Variants in TMTC2 observed in about 807,000 individuals in gnomAD.
TMTC2 encodes the protein protein O-mannosyl-transferase TMTC2.
A neutral mutation model predicts 82.4 loss-of-function variants in TMTC2; 43 were observed. The observed-to-expected ratio is 0.52, with a 90% CI of 0.41 to 0.67. The LOEUF is 0.67. Among genes scored for constraint, TMTC2 ranks in the 30% least tolerant of loss-of-function variants. The pLI, the probability that TMTC2 is intolerant of heterozygous loss-of-function variation, is 0.00. For synonymous variants in TMTC2, 408 were observed against 381.9 expected, an observed-to-expected ratio of 1.07 and a Z score of -0.80; for missense variants, 919 against 1,012.4, an observed-to-expected ratio of 0.91 and a Z score of 1.25.
chr12:83,082,414 C>T (rs78852428), intron 11 of TMTC2, among the ~76,000 whole-genome samples: 6,483 of 152,188 alleles, frequency 0.043, 185 homozygotes, highest in East Asian at 0.12. Context: ...TGATACACAC[C>T]GTCCCTAAAG....
intron 1 of TMTC2, among the ~76,000 whole-genome samples, chr12:82,693,736 G>A (rs1457065345): frequency 6.6e-6 from 1 of 151,994 alleles, no homozygotes; most frequent in Non-Finnish European, 1.5e-5. Flanking sequence ...TTGGGAGGCC[G>A]AGGCGGGTGG....
At chr12:82,711,753 G>T (rs966808098) in intron 1 of TMTC2, among the ~76,000 whole-genome samples, 4 of 152,348 alleles carry the variant, frequency 2.6e-5, no homozygotes, top group Middle Eastern at 3.4e-3. Flanking sequence ...GTCTGCAGCA[G>T]ATAGAAGTGT....
chr12:82,939,235 C>A (rs1012644803), intron 4 of TMTC2, among the ~76,000 whole-genome samples: 5 of 151,646 alleles, frequency 3.3e-5, no homozygotes, highest in African/African-American at 9.7e-5. Flanking sequence ...AGGCTTTTTT[C>A]TTTTTCTTAC....
At chr12:82,921,424 T>C (rs190304466) in intron 3 of TMTC2, among the ~76,000 whole-genome samples, 8 of 152,320 alleles carry the variant, frequency 5.3e-5, no homozygotes, top group African/African-American at 1.9e-4. Flanking sequence ...ACCAAGGATG[T>C]AGTAATTGTT....
intron 1 of TMTC2, among the ~76,000 whole-genome samples, chr12:82,847,935 T>TA (rs1870778066): frequency 6.6e-6 from 1 of 152,150 alleles, no homozygotes; most frequent in Non-Finnish European, 1.5e-5. Flanking sequence ...CCCTAGAACT[T>TA]AAAGTATAAT....
chr12:82,832,415 T>C (rs1159122107), intron 1 of TMTC2, among the ~76,000 whole-genome samples: 1 of 152,034 alleles, frequency 6.6e-6, no homozygotes, highest in Non-Finnish European at 1.5e-5. Context: ...AGGAAACTTA[T>C]AGTATACATT....
intron 1 of TMTC2, among the ~76,000 whole-genome samples, chr12:82,752,548 G>A (rs1385826328): frequency 1.3e-5 from 2 of 152,086 alleles, no homozygotes; most frequent in Non-Finnish European, 2.9e-5. Context: ...GACGATAGGG[G>A]CGCTGTTTAT....
intron 3 of TMTC2, among the ~76,000 whole-genome samples, chr12:82,928,251 T>G (rs935969301): frequency 4.6e-5 from 7 of 152,140 alleles, no homozygotes; most frequent in Admixed American, 3.9e-4. Context: ...TTTGAATGCA[T>G]TTCTCAGAGA....
chr12:82,974,463 C>T (rs1473905646), intron 7 of TMTC2, among the ~76,000 whole-genome samples: 1 of 152,118 alleles, frequency 6.6e-6, no homozygotes, highest in African/African-American at 2.4e-5. Flanking sequence ...TAGACATAGT[C>T]ATGTGGAAGA....
At chr12:82,878,163 G>A (rs1592596038) in intron 2 of TMTC2, among the ~76,000 whole-genome samples, 1 of 152,158 alleles carries the variant, frequency 6.6e-6, no homozygotes, top group South Asian at 2.1e-4. Context: ...TTTCTTCTGT[G>A]CCAGGTGCTG....
At chr12:83,019,983 T>A (rs567397305) in intron 8 of TMTC2, among the ~76,000 whole-genome samples, 1 of 152,342 alleles carries the variant, frequency 6.6e-6, no homozygotes, top group Admixed American at 6.5e-5. Context: ...TGTTTTTGTT[T>A]TTCTGCCACA....
intron 4 of TMTC2, among the ~76,000 whole-genome samples, chr12:82,933,663 G>A (rs1482462795): frequency 6.6e-6 from 1 of 152,150 alleles, no homozygotes; most frequent in African/African-American, 2.4e-5. Context: ...AACAAACCTA[G>A]TTGTATTAAT....
intron 9 of TMTC2, among the ~76,000 whole-genome samples, chr12:83,039,268 A>G (rs1398743605): frequency 6.6e-6 from 1 of 152,168 alleles, no homozygotes; most frequent in African/African-American, 2.4e-5. Flanking sequence ...TCAAGTAGAT[A>G]GCAGGATAAT....
chr12:83,045,893 C>T (rs1387418808), intron 9 of TMTC2, among the ~76,000 whole-genome samples: 1 of 152,052 alleles, frequency 6.6e-6, no homozygotes, highest in East Asian at 1.9e-4. Flanking sequence ...CAGCACCTTC[C>T]TGATAAGATC....
intron 7 of TMTC2, among the ~76,000 whole-genome samples, chr12:82,973,628 T>C (rs1028648524): frequency 4.6e-5 from 7 of 152,238 alleles, no homozygotes; most frequent in Non-Finnish European, 1.0e-4. Context: ...TTATGTACTA[T>C]GGTTACAGAC....
chr12:82,928,122 C>T (rs960587104), intron 3 of TMTC2, among the ~76,000 whole-genome samples: 1 of 151,678 alleles, frequency 6.6e-6, no homozygotes, highest in African/African-American at 2.4e-5. Flanking sequence ...GAAATAATGC[C>T]TTAAAATATT....
intron 4 of TMTC2, among the ~76,000 whole-genome samples, chr12:82,939,387 T>C (rs1876580506): frequency 6.6e-6 from 1 of 152,196 alleles, no homozygotes; most frequent in East Asian, 1.9e-4. Context: ...CTAAGTTCTC[T>C]AATTTAAGCC....
At chr12:82,967,297 C>G (rs1346667185) in intron 7 of TMTC2, among the ~76,000 whole-genome samples, 1 of 151,706 alleles carries the variant, frequency 6.6e-6, no homozygotes, top group Non-Finnish European at 1.5e-5. Context: ...AATAAATAAG[C>G]TATATATATG....
intron 9 of TMTC2, among the ~76,000 whole-genome samples, chr12:83,045,727 GCACA>G (rs71068972): frequency 6.3e-5 from 9 of 142,536 alleles, no homozygotes; most frequent in Admixed American, 2.1e-4. Context: ...ACACACACAC[GCACA>G]CACACACACA....
Sources: gnomAD v4.1 joint callset for allele counts (sites outside exome capture counted in the v4.1 genomes callset) on GRCh38, gnomAD v4.1.1 for gene constraint, MANE v1.5 for transcripts, NCBI Gene and HGNC (gene_info 2026-07-23, HGNC 2026-07-21) for gene names.